Variants in KLHL1 observed in about 807,000 individuals in gnomAD.
KLHL1 encodes the protein kelch like family member 1, also known as kelch-like protein 1.
KLHL1 carries 47 observed loss-of-function variants against 77.7 expected under a neutral mutation model. That is an observed-to-expected ratio of 0.60 (90% CI 0.48 to 0.77). The LOEUF (loss-of-function observed/expected upper bound fraction) is 0.77. Among genes scored for constraint, KLHL1 ranks in the 30% least tolerant of loss-of-function variants. The pLI, the probability that KLHL1 is intolerant of heterozygous loss-of-function variation, is 0.00. For synonymous variants in KLHL1, 360 were observed against 325.2 expected (o/e 1.11, Z -1.15); for missense variants, 925 against 910.8 (o/e 1.02, Z -0.20).
intron 2 of KLHL1, 128 bp downstream of exon 2, chr13:69,975,492 A>G: frequency 1.3e-6 from 1 of 780,712 alleles, no homozygotes; most frequent in Non-Finnish European, 2.0e-6. Context: ...AAACAACAAC[A>G]ACAACAAAAA....
intron 2 of KLHL1, among the ~76,000 whole-genome samples, chr13:69,962,351 T>C (rs1884091787): frequency 6.6e-6 from 1 of 152,100 alleles, no homozygotes; most frequent in East Asian, 1.9e-4. Flanking sequence ...CTAGTTCTTT[T>C]GATTCTGCTA....
At chr13:69,725,717 G>T (rs764304508) in intron 8 of KLHL1, among the ~76,000 whole-genome samples, 2 of 152,036 alleles carry the variant, frequency 1.3e-5, no homozygotes, top group Non-Finnish European at 2.9e-5. Context: ...AAAGAAAAGC[G>T]GTCACCAATG....
chr13:69,914,766 A>G (rs1215975524), intron 4 of KLHL1, among the ~76,000 whole-genome samples: 4 of 152,210 alleles, frequency 2.6e-5, no homozygotes, highest in African/African-American at 4.8e-5. Flanking sequence ...AAAACAATCT[A>G]CAATCCTTTC....
rs1031696235 is a variant in KLHL1, at chr13:69,772,060, T to C, written c.1639+24678A>G. Among the ~76,000 whole-genome samples, 131 of 152,146 alleles carry C rather than the reference T, an allele frequency of 8.6e-4. 1 individual carries two copies. The highest frequency in any genetic ancestry group is 8.8e-4 in the Non-Finnish European group (60 of 68,024). On this transcript the variant is annotated intron_variant, in intron 7 of 10. Coordinates refer to ENST00000377844, the MANE Select transcript of KLHL1 (RefSeq NM_020866.3). ...TCTGCCTCCTGGGTTCAAGCAATTA[T>C]CCTGCCTTTGCCTCCCGAGTAGCTG...
At chr13:70,043,309 A>T (rs927226012) in intron 1 of KLHL1, among the ~76,000 whole-genome samples, 1 of 152,204 alleles carries the variant, frequency 6.6e-6, no homozygotes, top group East Asian at 1.9e-4. Context: ...ACAGCTGAAC[A>T]ATGTGTATTT....
At chr13:69,861,013 T>C (rs540033592) in intron 5 of KLHL1, among the ~76,000 whole-genome samples, 1 of 152,138 alleles carries the variant, frequency 6.6e-6, no homozygotes, top group East Asian at 1.9e-4. Flanking sequence ...ATACGGTGAG[T>C]TATGATCACA....
At chr13:69,864,482 T>C (rs896177309) in intron 5 of KLHL1, among the ~76,000 whole-genome samples, 4 of 151,918 alleles carry the variant, frequency 2.6e-5, no homozygotes, top group African/African-American at 7.2e-5. Flanking sequence ...AAAAGCCAAA[T>C]TGTAATAAGT....
At chr13:69,971,849 T>C (rs1301377683) in intron 2 of KLHL1, among the ~76,000 whole-genome samples, 1 of 152,082 alleles carries the variant, frequency 6.6e-6, no homozygotes, top group Non-Finnish European at 1.5e-5. Context: ...CATAGGCCAA[T>C]GCTAGAGTAT....
chr13:69,968,312 TATC>T (rs2137280454), intron 2 of KLHL1, among the ~76,000 whole-genome samples: 1 of 103,004 alleles, frequency 9.7e-6, no homozygotes, highest in Admixed American at 9.5e-5. Flanking sequence ...AGACCTATGG[TATC>T]ATGTAAATAG....
intron 5 of KLHL1, among the ~76,000 whole-genome samples, chr13:69,859,549 C>G (rs566455726): frequency 6.6e-6 from 1 of 152,088 alleles, no homozygotes; most frequent in Non-Finnish European, 1.5e-5. Flanking sequence ...CACCATAGTT[C>G]GAGTTCTCTG....
chr13:69,746,828 A>C (rs2137940724), intron 7 of KLHL1, among the ~76,000 whole-genome samples: 1 of 152,092 alleles, frequency 6.6e-6, no homozygotes, highest in Admixed American at 6.6e-5. Context: ...GGTATTCTGA[A>C]GCATATGAAA....
At chr13:69,769,893 C>T (rs922130210) in intron 7 of KLHL1, among the ~76,000 whole-genome samples, 7 of 152,096 alleles carry the variant, frequency 4.6e-5, no homozygotes, top group African/African-American at 1.4e-4. Context: ...AGGGGTGAAA[C>T]ACATTCTTAG....
chr13:69,939,340 C>A (rs9542124), intron 4 of KLHL1, among the ~76,000 whole-genome samples: 2 of 60,846 alleles, frequency 3.3e-5, no homozygotes, highest in African/African-American at 6.8e-5. Context: ...CATATACATA[C>A]ATATATATAT....
chr13:69,737,999 T>C (rs139027079), intron 8 of KLHL1, among the ~76,000 whole-genome samples: 38 of 152,200 alleles, frequency 2.5e-4, no homozygotes, highest in African/African-American at 7.0e-4. Flanking sequence ...TGGCATCAGG[T>C]TGGTGCCCCT....
chr13:69,790,503 G>C (rs1876818922), intron 7 of KLHL1, among the ~76,000 whole-genome samples: 1 of 151,866 alleles, frequency 6.6e-6, no homozygotes, highest in African/African-American at 2.4e-5. Context: ...ACTAACTCTA[G>C]ACCAGTATCT....
intron 9 of KLHL1, among the ~76,000 whole-genome samples, chr13:69,716,766 C>G (rs1288560246): frequency 6.6e-6 from 1 of 152,066 alleles, no homozygotes; most frequent in Non-Finnish European, 1.5e-5. Flanking sequence ...TTATTTGTCT[C>G]TTTCTTCTAA....
intron 8 of KLHL1, among the ~76,000 whole-genome samples, chr13:69,726,759 G>A (rs767817782): frequency 1.4e-4 from 21 of 152,038 alleles, no homozygotes; most frequent in Non-Finnish European, 1.8e-4. Flanking sequence ...TAATCCCTCC[G>A]TGTTTCCTCT....
chr13:69,928,224 T>C (rs1048702306), intron 4 of KLHL1, among the ~76,000 whole-genome samples: 1 of 152,202 alleles, frequency 6.6e-6, no homozygotes, highest in African/African-American at 2.4e-5. Flanking sequence ...AGGAAAATCA[T>C]CAGCTACAGA....
chr13:69,701,355 G>T lies in KLHL1; in HGVS notation c.*347C>A. ...CTATAAAATGATTGAATGAGTTGTG[G>T]TCATGAAACTATCCATGTCACAAAT... On this transcript the variant is annotated 3_prime_UTR_variant, in exon 11 of 11. Transcript: ENST00000377844. The T allele has an allele frequency of 5.2e-6, 1 of 193,306 alleles. No homozygotes were observed. Among genetic ancestry groups the T allele is most frequent in the South Asian group, 1.2e-4 (1 of 8,430 alleles). The allele number at this position is 193,306 out of a possible 1,614,324, so 12.0% of individuals were successfully genotyped here. A position where few individuals can be genotyped will look rare whatever the true frequency, so the allele number is the denominator to read the frequency against.
Sources: gnomAD v4.1 joint callset for allele counts (sites outside exome capture counted in the v4.1 genomes callset) on GRCh38, gnomAD v4.1.1 for gene constraint, MANE v1.5 for transcripts, NCBI Gene and HGNC (gene_info 2026-07-23, HGNC 2026-07-21) for gene names.